The following DLG2 variants were observed in gnomAD, a reference collection of about 807,000 sequenced individuals.
The protein encoded by DLG2 is disks large homolog 2.
DLG2 carries 45 observed loss-of-function variants against 132.5 expected under a neutral mutation model. That is an observed-to-expected ratio of 0.34 (90% CI 0.27 to 0.44). DLG2 has a LOEUF of 0.44. Among genes scored for constraint, DLG2 ranks in the 20% least tolerant of loss-of-function variants. The pLI is 1.00. For synonymous variants in DLG2, 424 were observed against 419.6 expected, an observed-to-expected ratio of 1.01 and a Z score of -0.13; for missense variants, 1,045 against 1,196.9, an observed-to-expected ratio of 0.87 and a Z score of 1.87.
chr11:84,475,157 G>A (rs1602806526), intron 7 of DLG2, among the ~76,000 whole-genome samples: 1 of 152,140 alleles, frequency 6.6e-6, no homozygotes. Context: ...GGCTGGCACA[G>A]CCTGGCTTCT....
In DLG2 at chr11:85,105,631, C is replaced by A. The variant is rs768786657; in HGVS notation, c.357+6030G>T. ...CTGCCCACCAATTTAAGGTCCTGTACGCTGCAATTTTCTGCAATTTTCCTA... is the reference window on the plus strand; with the variant it reads ...CTGCCCACCAATTTAAGGTCCTGTAAGCTGCAATTTTCTGCAATTTTCCTA... On this transcript the variant is annotated intron_variant, in intron 6 of 27. Coordinates refer to ENST00000376104, the MANE Select transcript of DLG2 (RefSeq NM_001142699.3). Among the ~76,000 whole-genome samples the A allele has an allele frequency of 5.3e-5, 8 of 151,934 alleles. 1 individual carries two copies. Among genetic ancestry groups the A allele is most frequent in the Admixed American group, 5.3e-4 (8 of 15,224 alleles).
At chr11:83,784,563 T>C (rs2094961884) in intron 18 of DLG2, among the ~76,000 whole-genome samples, 1 of 152,242 alleles carries the variant, frequency 6.6e-6, no homozygotes. Flanking sequence ...ACAAGCACTT[T>C]AAAAATCAAT....
chr11:84,467,094 A>G (rs2099096553), intron 7 of DLG2, among the ~76,000 whole-genome samples: 1 of 151,310 alleles, frequency 6.6e-6, no homozygotes, highest in African/African-American at 2.4e-5. Flanking sequence ...CTTGGTGTCT[A>G]TTTATCATTT....
chr11:83,695,966 G>A (rs1391669939), intron 18 of DLG2, among the ~76,000 whole-genome samples: 1 of 152,146 alleles, frequency 6.6e-6, no homozygotes, highest in Non-Finnish European at 1.5e-5. Flanking sequence ...AGGCAGGCTT[G>A]GGAGTCACGG....
intron 6 of DLG2, among the ~76,000 whole-genome samples, chr11:84,564,550 C>T (rs2099443001): frequency 1.3e-5 from 2 of 152,166 alleles, no homozygotes; most frequent in South Asian, 4.1e-4. Flanking sequence ...TTTTTAAATA[C>T]TGCCCAAAAT....
At chr11:85,137,648 A>T (rs1298096759) in intron 5 of DLG2, among the ~76,000 whole-genome samples, 5 of 152,154 alleles carry the variant, frequency 3.3e-5, no homozygotes, top group Non-Finnish European at 5.9e-5. Flanking sequence ...TCCATAGCTT[A>T]TAAGGGCCTT....
intron 6 of DLG2, among the ~76,000 whole-genome samples, chr11:84,717,714 C>A (rs1328969987): frequency 1.3e-5 from 2 of 151,960 alleles, no homozygotes; most frequent in Non-Finnish European, 2.9e-5. Flanking sequence ...ATCTTAATAA[C>A]AGTGGGAGCA....
At chr11:84,723,340 T>A (rs910513432) in intron 6 of DLG2, among the ~76,000 whole-genome samples, 2 of 152,216 alleles carry the variant, frequency 1.3e-5, no homozygotes, top group African/African-American at 4.8e-5. Flanking sequence ...TTTAGATTGA[T>A]AAAGTGAAAT....
At chr11:85,388,283 C>A (rs2086513266) in intron 3 of DLG2, among the ~76,000 whole-genome samples, 1 of 152,080 alleles carries the variant, frequency 6.6e-6, no homozygotes, top group African/African-American at 2.4e-5. Flanking sequence ...CCCCCAGCCC[C>A]CAAAACAAAG....
intron 6 of DLG2, among the ~76,000 whole-genome samples, chr11:84,554,365 G>A (rs1180763973): frequency 1.3e-5 from 2 of 152,258 alleles, no homozygotes; most frequent in East Asian, 3.9e-4. Flanking sequence ...ACTAGCTGCA[G>A]GGATTCAACA....
chr11:84,781,053 CTT>C (rs1192347143), intron 6 of DLG2, among the ~76,000 whole-genome samples: 5 of 79,980 alleles, frequency 6.3e-5, no homozygotes, highest in Non-Finnish European at 1.5e-4. Flanking sequence ...TTCATCATAA[CTT>C]AATGTGTGTG....
intron 2 of DLG2, among the ~76,000 whole-genome samples, chr11:85,613,474 G>A (rs2081138967): frequency 6.6e-6 from 1 of 152,178 alleles, no homozygotes; most frequent in African/African-American, 2.4e-5. Flanking sequence ...ATTGAGAGGT[G>A]AAGCCAGCTG....
intron 6 of DLG2, among the ~76,000 whole-genome samples, chr11:84,600,222 AAGAG>A (rs533347105): frequency 1.6e-5 from 2 of 121,272 alleles, no homozygotes; most frequent in Admixed American, 8.1e-5. Context: ...GAAAGAAAGA[AAGAG>A]AAAGAAAGAC....
chr11:85,077,971 T>C (rs546857576), intron 6 of DLG2, among the ~76,000 whole-genome samples: 2 of 151,980 alleles, frequency 1.3e-5, no homozygotes, highest in Admixed American at 6.6e-5. Context: ...TAACATGTTA[T>C]AGTCCTGGGC....
intron 6 of DLG2, among the ~76,000 whole-genome samples, chr11:84,713,796 C>G (rs1318991187): frequency 6.6e-6 from 1 of 151,896 alleles, no homozygotes; most frequent in Non-Finnish European, 1.5e-5. Context: ...TCTATCCTAT[C>G]CAAAGGAAAT....
At chr11:84,588,795 A>C (rs1236575769) in intron 6 of DLG2, among the ~76,000 whole-genome samples, 2 of 151,940 alleles carry the variant, frequency 1.3e-5, no homozygotes, top group East Asian at 1.9e-4. Context: ...AAAAAAAAAA[A>C]AACAAAATAT....
At chr11:84,782,738 A>C (rs1321222695) in intron 6 of DLG2, among the ~76,000 whole-genome samples, 1 of 152,166 alleles carries the variant, frequency 6.6e-6, no homozygotes, top group Non-Finnish European at 1.5e-5. Context: ...ATCATAAAAA[A>C]CATATCTTCT....
At chr11:83,698,254 G>C (rs752859641) in intron 18 of DLG2, among the ~76,000 whole-genome samples, 41 of 152,082 alleles carry the variant, frequency 2.7e-4, no homozygotes, top group Admixed American at 5.2e-4. Context: ...TCCAAAATTG[G>C]CTAAAAACCC....
intron 18 of DLG2, among the ~76,000 whole-genome samples, chr11:83,723,181 G>C (rs969202182): frequency 6.6e-6 from 1 of 152,028 alleles, no homozygotes; most frequent in Non-Finnish European, 1.5e-5. Context: ...AGAAGTTCGA[G>C]ACCAGCCCGG....
Sources: allele counts gnomAD v4.1 joint callset (sites outside exome capture counted in the v4.1 genomes callset), GRCh38; gene constraint gnomAD v4.1.1; transcripts MANE v1.5; gene names NCBI Gene and HGNC (gene_info 2026-07-23, HGNC 2026-07-21).